The following SH2D2A variants were observed in gnomAD, a reference collection of about 807,000 sequenced individuals.
SH2D2A encodes the protein SH2 domain-containing protein 2A.
In SH2D2A, 33 loss-of-function variants were observed where a neutral mutation model predicts 43.6. The observed-to-expected ratio is 0.76, with a 90% CI of 0.57 to 1.01. The LOEUF (loss-of-function observed/expected upper bound fraction) is 1.01. SH2D2A is among the 50% of genes least tolerant of loss of function. The pLI is 0.00. For missense variants in SH2D2A, 491 were observed against 503.1 expected, an observed-to-expected ratio of 0.98 and a Z score of 0.23; for synonymous variants, 212 against 206.1, an observed-to-expected ratio of 1.03 and a Z score of -0.25.
rs368497410 is a variant in SH2D2A at position 156,809,521 on chromosome 1, G to C, written c.715-31C>G. ...AGAGAAGGTGAGGCCAGGGAGGAGT[G>C]GGGTGAGGGAGGCAGGGTTAAAGCC... On this transcript the variant is annotated intron_variant, in intron 6 of 8. Transcript: ENST00000368199. The surrounding 1 kb of genome is among the most constrained non-coding windows in gnomAD (Gnocchi z 4.8). 3 of 1,572,218 alleles carry C rather than the reference G, an allele frequency of 1.9e-6. No homozygotes were observed. The highest frequency in any genetic ancestry group is 2.3e-5 in the South Asian group (2 of 85,214).
chr1:156,808,143 C>T (rs925760390), intron 7 of SH2D2A, among the ~76,000 whole-genome samples: 2 of 152,118 alleles, frequency 1.3e-5, no homozygotes, highest in Admixed American at 1.3e-4. Flanking sequence ...CAAAGCCAGA[C>T]CCCAATGATG....
At chr1:156,816,298 G>A (rs1365397430) in intron 1 of SH2D2A, among the ~76,000 whole-genome samples, 1 of 152,218 alleles carries the variant, frequency 6.6e-6, no homozygotes, top group Admixed American at 6.5e-5. Context: ...TGCCAGAGGA[G>A]GTTGTGAGGG....
intron 5 of SH2D2A, among the ~76,000 whole-genome samples, chr1:156,812,782 A>G (rs914004891): frequency 6.6e-6 from 1 of 152,170 alleles, no homozygotes; most frequent in Non-Finnish European, 1.5e-5. Context: ...ACTCATCATT[A>G]CTAGACAGAC....
intron 7 of SH2D2A, among the ~76,000 whole-genome samples, chr1:156,808,910 G>C (rs527915362): frequency 6.6e-6 from 1 of 152,302 alleles, no homozygotes; most frequent in African/African-American, 2.4e-5. Context: ...AAAAAGCCTC[G>C]ATGTGGGAGG....
chr1:156,808,313 T>C (rs900566617), intron 7 of SH2D2A, among the ~76,000 whole-genome samples: 12 of 152,184 alleles, frequency 7.9e-5, no homozygotes, highest in Admixed American at 5.2e-4. Flanking sequence ...ACAGTGAACA[T>C]GGGACCGAGC....
rs780401049 is a variant in SH2D2A at position 156,806,486 on chromosome 1, T to A, written c.*91A>T. On this transcript the variant is annotated 3_prime_UTR_variant, in exon 9 of 9. Transcript: ENST00000368199. ...TCTTAGATCACCAAGGACTGAGCCA[T>A]TGGATTCTTGGGATCTTCTTAGGAG... 1.3e-5 allele frequency: 2 copies of A among 152,620 alleles called. No homozygotes were observed. The highest frequency in any genetic ancestry group is 1.5e-5 in the Non-Finnish European group (1 of 68,366). The allele number at this position is 152,620 out of a possible 1,614,324, so 9.5% of individuals were successfully genotyped here. A position where few individuals can be genotyped will look rare whatever the true frequency, so the allele number is the denominator to read the frequency against.
chr1:156,809,948 T>G lies in SH2D2A; in HGVS notation c.568-141A>C. The stretch of plus-strand genomic sequence containing the variant: ...GAAATTTGGCCTGGGCTGGGTTCCC[T>G]GGATGAGGAAGAGGGGGTGGTGACG... On this transcript the variant is annotated intron_variant, in intron 5 of 8. Coordinates refer to ENST00000368199, the MANE Select transcript of SH2D2A (RefSeq NM_003975.4). This position sits in a 1 kb window ranked among gnomAD's most constrained non-coding sequence, Gnocchi z 4.8. The G allele has an allele frequency of 2.4e-6, 2 of 835,774 alleles. No homozygotes were observed. The highest frequency in any genetic ancestry group is 1.9e-6 in the Non-Finnish European group (1 of 529,520). The allele number at this position is 835,774 out of a possible 1,614,324, so 51.8% of individuals were successfully genotyped here.
intron 8 of SH2D2A, among the ~76,000 whole-genome samples, chr1:156,806,890 G>A (rs140454944): frequency 2.5e-3 from 375 of 152,240 alleles, no homozygotes; most frequent in African/African-American, 8.5e-3. Context: ...GCTCTTACCC[G>A]TGGCAGACAT....
At chr1:156,815,549 G>A (rs554705812) in intron 2 of SH2D2A, 40 of 607,978 alleles carry the variant, frequency 6.6e-5, no homozygotes, top group Middle Eastern at 4.4e-4. Context: ...TGGCCTGGAG[G>A]ATGAAGAAAC....
intron 2 of SH2D2A, chr1:156,815,776 C>G: frequency 1.2e-6 from 2 of 1,611,846 alleles, no homozygotes; most frequent in Non-Finnish European, 1.7e-6. Context: ...CGGACTCAGC[C>G]TGAGCTTCCA....
At position 156,809,679 on chromosome 1, in the gene SH2D2A, C is replaced by A; in HGVS notation, c.696G>T (p.Glu232Asp). 1 of 1,611,924 alleles carries A rather than the reference C, an allele frequency of 6.2e-7. No individual in the cohort carries two copies. The highest frequency in any genetic ancestry group is 8.5e-7 in the Non-Finnish European group (1 of 1,179,372). ...QGQAPVPMQK[E>D]GAGEKEPSQL... ...CCAATACCTCCTTCTCCCCGGCCCCCTCTTTCTGCATCGGGACTGGGGCTT... is the reference window on the plus strand; with the variant it reads ...CCAATACCTCCTTCTCCCCGGCCCCATCTTTCTGCATCGGGACTGGGGCTT... Residue 232 changes from glutamate (E) to aspartate (D), a missense_variant, in exon 6 of 9, where the codon GAG (glutamate) becomes GAT (aspartate). Physicochemically the swap from Glu to Asp is conservative, Grantham distance 45. Coordinates refer to ENST00000368199, the MANE Select transcript of SH2D2A (RefSeq NM_003975.4). This position sits in a 1 kb window ranked among gnomAD's most constrained non-coding sequence, Gnocchi z 4.8.
chr1:156,808,035 G>A (rs1404841703), intron 7 of SH2D2A, among the ~76,000 whole-genome samples: 1 of 152,134 alleles, frequency 6.6e-6, no homozygotes, highest in African/African-American at 2.4e-5. Flanking sequence ...GAGGTGGCTC[G>A]AGCCTGTAAT....
chr1:156,815,526 CAG>C (rs1414349802), intron 2 of SH2D2A: 6 of 599,082 alleles, frequency 1.0e-5, no homozygotes, highest in East Asian at 5.6e-5. Flanking sequence ...TCCAGATGGA[CAG>C]AGTCATTCCC....
At chr1:156,812,274 C>T (rs904837245) in intron 5 of SH2D2A, among the ~76,000 whole-genome samples, 12 of 152,154 alleles carry the variant, frequency 7.9e-5, no homozygotes, top group Admixed American at 3.9e-4. Flanking sequence ...CACCCCTCAG[C>T]TTGTAAGTCT....
chr1:156,810,147 T>C (rs1397436664), intron 5 of SH2D2A, among the ~76,000 whole-genome samples: 3 of 152,182 alleles, frequency 2.0e-5, no homozygotes, highest in Non-Finnish European at 4.4e-5. Flanking sequence ...GCTATCCTCT[T>C]GCCTCAGCCT....
chr1:156,815,128 C>G lies in SH2D2A; in HGVS notation c.217G>C (p.Glu73Gln). The change falls in exon 3 of 9, where the codon GAG (glutamate) becomes CAG (glutamine). Residue 73 changes from glutamate (E) to glutamine (Q), a missense_variant. Glu to Gln is a conservative substitution (Grantham distance 29). Coordinates refer to ENST00000368199, the MANE Select transcript of SH2D2A (RefSeq NM_003975.4). ...PGEGSLFLQA[E>Q]TRAWFQKTQA... ...GTCTTCTGGAACCAAGCCCGGGTCT[C>G]GGCCTGCAGGAACAGGCTTCCTTCT... 6.2e-7 allele frequency: 1 copy of G among 1,609,926 alleles called. No homozygotes were observed. The highest frequency in any genetic ancestry group is 1.1e-5 in the South Asian group (1 of 90,302).
Position 156,814,260 on chromosome 1 carries a change from C to T in SH2D2A, c.343G>A (p.Gly115Arg). 1 of 1,613,986 alleles carries T rather than the reference C, an allele frequency of 6.2e-7. No homozygotes were observed. Among genetic ancestry groups the T allele is most frequent in the Non-Finnish European group, 8.5e-7 (1 of 1,179,990 alleles). Residue 115 changes from glycine to arginine, a missense_variant, in exon 4 of 9, where the codon GGG becomes AGG. Coordinates refer to ENST00000368199, the MANE Select transcript of SH2D2A (RefSeq NM_003975.4). ...AERLLEPKPQ[G>R]CYLVRFSESA... ...TCGCTGAACCGCACCAAGTAGCACC[C>T]CTGAGGCTTGGGCTCCAGCAGCCTC...
At chr1:156,814,317 G>A (rs1308317100) in intron 3 of SH2D2A, 23 bp from the exon 4 acceptor site, 3 of 1,607,504 alleles carry the variant, frequency 1.9e-6, no homozygotes, top group Non-Finnish European at 2.5e-6. Flanking sequence ...GAGAGAGGGG[G>A]CCGAACCCTG....
intron 3 of SH2D2A, 91 bp downstream of exon 3, chr1:156,814,946 G>A: frequency 8.5e-7 from 1 of 1,174,282 alleles, no homozygotes; most frequent in Non-Finnish European, 1.1e-6. Flanking sequence ...GGTAGAAGTG[G>A]GAGCCTTCAT....
Sources: gnomAD v4.1 joint callset for allele counts (sites outside exome capture counted in the v4.1 genomes callset) on GRCh38, gnomAD v4.1.1 for gene constraint, Gnocchi (gnomAD v3.1) non-coding constraint, MANE v1.5 for transcripts, NCBI Gene and HGNC (gene_info 2026-07-23, HGNC 2026-07-21) for gene names.